The following SCART1 variants were observed in gnomAD, a reference collection of about 807,000 sequenced individuals.
The protein encoded by SCART1 is scavenger receptor family member expressed on T cells 1.
SCART1 carries 62 observed loss-of-function variants against 36.2 expected under a neutral mutation model. The observed-to-expected ratio is 1.71, with a 90% CI of 1.40 to 2.12. The LOEUF is 2.12. Ranked by LOEUF, SCART1 falls within the 30% of genes most tolerant of loss-of-function variation. The probability of loss-of-function intolerance (pLI) is 0.00; values close to 1 mark genes in which losing one functional copy is unlikely to be tolerated. For synonymous variants in SCART1, 487 were observed against 238.7 expected (o/e 2.04, Z -9.59); for missense variants, 1,041 against 540.5 (o/e 1.93, Z -9.18).
exon 4 of SCART1, chr10:133,458,442 G>C (rs1461265940): frequency 1.4e-6 from 1 of 699,414 alleles, no homozygotes; most frequent in South Asian, 1.5e-5. Context: ...TCTGTGATGC[G>C]GCCCTGGACC....
At chr10:133,465,765 A>G (rs553181871) in intron 9 of SCART1, 200 bp downstream of exon 9, 81 of 674,548 alleles carry the variant, frequency 1.2e-4, no homozygotes, top group African/African-American at 1.0e-3. Context: ...TTTCCCCCTA[A>G]TCTTTTTTGG....
At chr10:133,468,033 A>G (rs1202503541) in exon 12 of SCART1, 1 of 621,386 alleles carries the variant, frequency 1.6e-6, no homozygotes, top group African/African-American at 1.8e-5. Flanking sequence ...TTCTTGTACA[A>G]TTGTAGTGGA....
exon 6 of SCART1, chr10:133,460,149 G>A: frequency 3.9e-6 from 2 of 509,648 alleles, no homozygotes; most frequent in Admixed American, 8.2e-5. Context: ...GCACAAGGAG[G>A]ACGCCGGCGT....
intron 7 of SCART1, 41 bp downstream of exon 7, chr10:133,464,952 G>A: frequency 1.4e-6 from 1 of 702,868 alleles, no homozygotes; most frequent in Middle Eastern, 2.3e-4. Flanking sequence ...AGGTCTCTGG[G>A]GGTGCCTGGG....
rs967754883 is a variant in SCART1, at chr10:133,459,804, G to T, written c.1603G>T (p.Gly535Cys). The change falls in exon 6 of 12, where the codon GGT becomes TGT. Residue 535 changes from glycine (G) to cysteine (C), a missense_variant. Physicochemically the swap from Gly to Cys is radical, Grantham distance 159 (BLOSUM62 -3). Coordinates refer to ENST00000640237, the Ensembl canonical transcript of SCART1. ...GCGGGACGCCGGCGTGGTGTGCTCC[G>T]GTGAGGTCGGAACCGCGTCCCCCAT... is the stretch of plus-strand genomic sequence containing the variant. 4 of 648,480 alleles carry T rather than the reference G, an allele frequency of 6.2e-6. No individual in the cohort carries two copies. The Admixed American group carries it at 6.8e-5, about 11-fold the overall frequency. The allele number at this position is 648,480 out of a possible 1,614,324, so 40.2% of individuals were successfully genotyped here. A position where few individuals can be genotyped will look rare whatever the true frequency, so the allele number is the denominator to read the frequency against.
rs1305891880 is a variant in SCART1 at position 133,455,371 on chromosome 10, TGA to T, written c.68-858_68-857del. Among the ~76,000 whole-genome samples the T allele has an allele frequency of 2.6e-5, 4 of 152,020 alleles. No homozygotes were observed. The East Asian group carries it at 7.8e-4, about 30-fold the overall frequency. Reference sequence around the variant, plus strand: ...GGGGTGTGGAGGGATGGATGAAGACTGAGAGAGAGGAGATTCAAGGCTCCCCA... The same window carrying T: ...GGGGTGTGGAGGGATGGATGAAGACTGAGAGAGGAGATTCAAGGCTCCCCA... On this transcript the variant is annotated intron_variant, in intron 1 of 11. Coordinates refer to ENST00000640237, the Ensembl canonical transcript of SCART1.
exon 3 of SCART1, chr10:133,457,381 A>G (rs1850631770): frequency 5.7e-6 from 4 of 701,870 alleles, no homozygotes; most frequent in Non-Finnish European, 1.0e-5. Flanking sequence ...TGTGTCCTGC[A>G]TGTGGAGGAG....
chr10:133,459,822 T>C, exon 6 of SCART1: 1 of 606,856 alleles, frequency 1.6e-6, no homozygotes. Context: ...CGGAACCGCG[T>C]CCCCCATGGC....
At chr10:133,457,350 G>A (rs556195971) in exon 3 of SCART1, 126 of 701,414 alleles carry the variant, frequency 1.8e-4, no homozygotes, top group Middle Eastern at 3.2e-4. Context: ...GATCAGAAAC[G>A]TGAATGGGGT....
At position 133,459,415 on chromosome 10, in the gene SCART1, C is replaced by T. The variant is rs943981; in HGVS notation, c.1286-72C>T. 1.3e-3 allele frequency: 824 copies of T among 615,262 alleles called. 2 individuals carry two copies. The African/African-American group carries it at 0.013, about 10-fold the overall frequency. The allele number at this position is 615,262 out of a possible 1,614,324, so 38.1% of individuals were successfully genotyped here. A position where few individuals can be genotyped will look rare whatever the true frequency, so the allele number is the denominator to read the frequency against. The stretch of plus-strand genomic sequence containing the variant: ...GAAGGACAGAGGGGGCGGAGAGGTA[C>T]GGGCCCTGCTGGGGGGTGGTCCTGG... On this transcript the variant is annotated intron_variant, in intron 5 of 11. Coordinates refer to ENST00000640237, the Ensembl canonical transcript of SCART1.
chr10:133,463,849 C>T (rs1191762937), intron 6 of SCART1, among the ~76,000 whole-genome samples: 3 of 152,084 alleles, frequency 2.0e-5, no homozygotes, highest in African/African-American at 4.8e-5. Flanking sequence ...CTCCTTCCAG[C>T]GATTTGAAAC....
At chr10:133,465,037 G>A (rs1363905283) in intron 7 of SCART1, 69 bp from the exon 8 acceptor site, 2 of 701,200 alleles carry the variant, frequency 2.9e-6, no homozygotes, top group Non-Finnish European at 5.2e-6. Context: ...GGGGTCACTA[G>A]GATCCACAGC....
rs528055126 is a variant in SCART1 at position 133,454,762 on chromosome 10, G to A, written c.67+698G>A. 9.9e-5 allele frequency among the ~76,000 whole-genome samples: 15 copies of A among 152,244 alleles called. No homozygotes were observed. The East Asian group carries it at 2.7e-3, about 27-fold the overall frequency. On this transcript the variant is annotated intron_variant, in intron 1 of 11. Coordinates refer to ENST00000640237, the Ensembl canonical transcript of SCART1. ...CCCAGCAGGGCGGTGACCTGGTGCT[G>A]GACGGAGCCACATCCCCAGCGGTGG...
At chr10:133,464,968 G>C in intron 7 of SCART1, 57 bp downstream of exon 7, 1 of 702,712 alleles carries the variant, frequency 1.4e-6, no homozygotes, top group East Asian at 2.7e-5. Context: ...CTGGGAAGAG[G>C]TTTATCTGTC....
At position 133,465,186 on chromosome 10, in the gene SCART1, T is replaced by A. The variant is rs1038347512; in HGVS notation, c.2344+12T>A. The A allele has an allele frequency of 5.7e-6, 4 of 702,988 alleles. No homozygotes were observed. Among genetic ancestry groups the A allele is most frequent in the Non-Finnish European group, 7.8e-6 (3 of 384,974 alleles). 43.5% of individuals were successfully genotyped at this position (702,988 alleles called of 1,614,324 possible). On this transcript the variant is annotated intron_variant, in intron 8 of 11. Transcript: ENST00000640237. ...GCTCGGCTGCCCAGGTACCCCTCTGTCCTTGTCGCTGTCCTCCTTCCCATC... is the reference window on the plus strand; with the variant it reads ...GCTCGGCTGCCCAGGTACCCCTCTGACCTTGTCGCTGTCCTCCTTCCCATC...
Position 133,465,599 on chromosome 10 carries a change from G to A in SCART1, c.2659+34G>A, listed in dbSNP as rs1194035502. 9 of 577,494 alleles carry A rather than the reference G, an allele frequency of 1.6e-5. No homozygotes were observed. The East Asian group carries it at 2.4e-4, about 15-fold the overall frequency. 35.8% of individuals were successfully genotyped at this position (577,494 alleles called of 1,614,324 possible). A position where few individuals can be genotyped will look rare whatever the true frequency, so the allele number is the denominator to read the frequency against. On this transcript the variant is annotated intron_variant, in intron 9 of 11. Coordinates refer to ENST00000640237, the Ensembl canonical transcript of SCART1. ...GGGGCGGTGGGAAGTCGGTCATGGG[G>A]CCGGCAGAGGGCGCTGGGATGGAGT... is the stretch of plus-strand genomic sequence containing the variant.
intron 11 of SCART1, 98 bp from the exon 12 acceptor site, chr10:133,467,749 A>T: frequency 1.8e-6 from 1 of 552,488 alleles, no homozygotes; most frequent in Non-Finnish European, 3.3e-6. Context: ...TTTCTGGTTG[A>T]CATGTTTATG....
chr10:133,467,862 C>G, exon 12 of SCART1: 1 of 688,310 alleles, frequency 1.5e-6, no homozygotes, highest in South Asian at 1.5e-5. Flanking sequence ...GGGGAGGTGT[C>G]TAACCTCCTG....
chr10:133,460,627 C>T (rs1850691378), intron 6 of SCART1, among the ~76,000 whole-genome samples: 1 of 151,580 alleles, frequency 6.6e-6, no homozygotes, highest in Admixed American at 6.6e-5. Context: ...TCTTGACCTC[C>T]TGTAGTCCAG....
Sources: gnomAD v4.1 joint callset for allele counts (sites outside exome capture counted in the v4.1 genomes callset) on GRCh38, gnomAD v4.1.1 for gene constraint, MANE v1.5 for transcripts, NCBI Gene and HGNC (gene_info 2026-07-23, HGNC 2026-07-21) for gene names.